Variants in FANCD2OS observed in about 807,000 individuals in gnomAD.
FANCD2OS encodes the protein FANCD2 opposite strand protein.
Under a neutral mutation model 13.2 loss-of-function variants are expected in FANCD2OS, and 11 were observed. The ratio of observed to expected loss-of-function variants is 0.83; its 90% CI spans 0.52 to 1.38. The LOEUF (loss-of-function observed/expected upper bound fraction) is 1.38. Among genes scored for constraint, FANCD2OS ranks in the 40% most tolerant of loss-of-function variants. The pLI, the probability that FANCD2OS is intolerant of heterozygous loss-of-function variation, is 0.00. For synonymous variants in FANCD2OS, 69 were observed against 84.5 expected (o/e 0.82, Z 1.01); for missense variants, 217 against 213.9 (o/e 1.01, Z -0.09).
intron 1 of FANCD2OS, among the ~76,000 whole-genome samples, chr3:10,105,764 A>AT (rs1695459420): frequency 8.9e-5 from 6 of 67,068 alleles, no homozygotes; most frequent in African/African-American, 4.2e-4. Flanking sequence ...AAAAAAAAAA[A>AT]AAAAAAATTA....
rs1695398901 is a variant in FANCD2OS, at chr3:10,104,038, G to A, written c.*203C>T. 1 of 568,522 alleles carries A rather than the reference G, an allele frequency of 1.8e-6. No homozygotes were observed. Among genetic ancestry groups the A allele is most frequent in the African/African-American group, 1.9e-5 (1 of 53,560 alleles). The allele number at this position is 568,522 out of a possible 1,614,324, so 35.2% of individuals were successfully genotyped here. A position where few individuals can be genotyped will look rare whatever the true frequency, so the allele number is the denominator to read the frequency against. On this transcript the variant is annotated 3_prime_UTR_variant, in exon 2 of 2. Transcript: ENST00000450660. ...ACTCTAAATGGTTCAACCTTACAAT[G>A]GGAATGTTCTTCCTTGTTCTCTATC...
At chr3:10,089,137 T>C (rs1160593803) in intron 2 of FANCD2OS, among the ~76,000 whole-genome samples, 3 of 151,918 alleles carry the variant, frequency 2.0e-5, no homozygotes, top group Non-Finnish European at 4.4e-5. Flanking sequence ...ATACAAAAAT[T>C]AGCCGGGCGT....
chr3:10,100,172 C>A (rs984211533), downstream of FANCD2OS, among the ~76,000 whole-genome samples: 1 of 152,134 alleles, frequency 6.6e-6, no homozygotes, highest in Non-Finnish European at 1.5e-5. Flanking sequence ...AGAGCGAGAC[C>A]CTGTCTCAAA....
chr3:10,098,625 T>C (rs34309598), downstream of FANCD2OS: 18 of 1,474,788 alleles, frequency 1.2e-5, no homozygotes, highest in Non-Finnish European at 1.5e-5. Flanking sequence ...GGCTAAAATA[T>C]CTTCCTTTGT....
intron 2 of FANCD2OS, chr3:10,094,277 T>C: frequency 1.2e-6 from 2 of 1,611,482 alleles, no homozygotes; most frequent in East Asian, 2.2e-5. Flanking sequence ...ACAGTGTGTC[T>C]CTCTTCTTCA....
rs752815037 is a variant in FANCD2OS, at chr3:10,087,219, A to G, written c.*44-5688T>C. ...TTATCTCATCAGACTTTTGATGGTTATTTTGGAGAAATCAACAGCTTCTGC... is the reference window on the plus strand; with the variant it reads ...TTATCTCATCAGACTTTTGATGGTTGTTTTGGAGAAATCAACAGCTTCTGC... On this transcript the variant is annotated intron_variant, in intron 2 of 2. Transcript: ENST00000524279. The G allele has an allele frequency of 5.0e-6, 8 of 1,598,966 alleles. No homozygotes were observed. In the Admixed American group the frequency reaches 8.5e-5, roughly 17 times the overall value.
chr3:10,084,745 A>G (rs1481519746), intron 2 of FANCD2OS, among the ~76,000 whole-genome samples: 1 of 152,238 alleles, frequency 6.6e-6, no homozygotes, highest in African/African-American at 2.4e-5. Flanking sequence ...GATCAGGAAG[A>G]TGCTTCTAGA....
intron 2 of FANCD2OS, chr3:10,093,185 C>A (rs1694754141): frequency 1.2e-6 from 1 of 848,822 alleles, no homozygotes; most frequent in South Asian, 1.4e-5. Flanking sequence ...TTTTAGAATT[C>A]TCTGCAGCAC....
intron 2 of FANCD2OS, among the ~76,000 whole-genome samples, chr3:10,086,422 G>C (rs1312967628): frequency 1.3e-5 from 2 of 151,930 alleles, no homozygotes; most frequent in Non-Finnish European, 2.9e-5. Context: ...CACTTCCCTT[G>C]GTAACCTAGA....
At chr3:10,101,452 C>A (rs185866952), downstream of FANCD2OS, 7 of 526,384 alleles carry the variant, frequency 1.3e-5, no homozygotes, top group East Asian at 1.9e-4. Flanking sequence ...GTGCTGCAAT[C>A]TTGGCTCACT....
chr3:10,093,738 C>T (rs1232490197), intron 2 of FANCD2OS, among the ~76,000 whole-genome samples: 1 of 152,098 alleles, frequency 6.6e-6, no homozygotes, highest in Admixed American at 6.6e-5. Context: ...CCTGTATTAG[C>T]CCTAGATTTG....
intron 2 of FANCD2OS, chr3:10,087,047 G>A: frequency 6.9e-7 from 1 of 1,445,864 alleles, no homozygotes; most frequent in Non-Finnish European, 9.7e-7. Flanking sequence ...AACACTGAAA[G>A]GGACTTGGGC....
intron 2 of FANCD2OS, among the ~76,000 whole-genome samples, chr3:10,096,774 C>T (rs1181136471): frequency 3.9e-5 from 6 of 152,168 alleles, no homozygotes; most frequent in Admixed American, 3.9e-4. Flanking sequence ...CCTTTAAGCC[C>T]CACTGAGGGT....
At chr3:10,101,821 G>C (rs1429351720), downstream of FANCD2OS, 2 of 193,470 alleles carry the variant, frequency 1.0e-5, no homozygotes, top group Non-Finnish European at 2.2e-5. Flanking sequence ...ACACTGCAGA[G>C]TAAAATCTCT....
chr3:10,087,328 AC>A, intron 2 of FANCD2OS: 1 of 1,495,716 alleles, frequency 6.7e-7, no homozygotes, highest in Non-Finnish European at 9.0e-7. Flanking sequence ...TCTCACACTT[AC>A]AAACTTTGGG....
intron 2 of FANCD2OS, among the ~76,000 whole-genome samples, chr3:10,082,936 T>C (rs1170037398): frequency 2.0e-5 from 3 of 152,126 alleles, no homozygotes; most frequent in Non-Finnish European, 4.4e-5. Context: ...CAAATAAACA[T>C]GTGAAAGGGG....
At chr3:10,090,382 G>A in intron 2 of FANCD2OS, 1 of 1,599,518 alleles carries the variant, frequency 6.3e-7, no homozygotes, top group Non-Finnish European at 8.5e-7. Flanking sequence ...CAGACTCGCA[G>A]CAGGTGAGTA....
intron 2 of FANCD2OS, among the ~76,000 whole-genome samples, chr3:10,096,071 A>T (rs962761923): frequency 6.6e-6 from 1 of 152,174 alleles, no homozygotes; most frequent in Non-Finnish European, 1.5e-5. Context: ...ATTTTAGGTA[A>T]ATTCATTGAA....
At chr3:10,089,898 C>G (rs2125080311) in intron 2 of FANCD2OS, among the ~76,000 whole-genome samples, 1 of 152,316 alleles carries the variant, frequency 6.6e-6, no homozygotes. Context: ...TTCACTTTAT[C>G]TCATTTGATC....
Sources: gnomAD v4.1 joint callset for allele counts (sites outside exome capture counted in the v4.1 genomes callset) on GRCh38, gnomAD v4.1.1 for gene constraint, MANE v1.5 for transcripts, NCBI Gene and HGNC (gene_info 2026-07-23, HGNC 2026-07-21) for gene names.